RBFOX1: variants seen among roughly 807,000 people sequenced by gnomAD.
The protein encoded by RBFOX1 is RNA binding protein fox-1 homolog 1.
In RBFOX1, 8 loss-of-function variants were observed where a neutral mutation model predicts 57.7. That is an observed-to-expected ratio of 0.14 (90% CI 0.08 to 0.25). The LOEUF is 0.25. RBFOX1 is among the 10% of genes least tolerant of loss of function. The pLI is 1.00. For missense variants in RBFOX1, 611 were observed against 548.5 expected (o/e 1.11, Z -1.14); for synonymous variants, 326 against 222.4 (o/e 1.47, Z -4.15).
intron 5 of RBFOX1, among the ~76,000 whole-genome samples, chr16:7,542,853 G>A (rs2083335784): frequency 9.9e-5 from 1 of 10,140 alleles, no homozygotes; most frequent in Admixed American, 4.4e-4. Context: ...AGAAGGAGAG[G>A]GAGAAAGAGG....
chr16:5,619,915 G>A (rs180848683), intron 3 of RBFOX1, among the ~76,000 whole-genome samples: 202 of 151,590 alleles, frequency 1.3e-3, no homozygotes, highest in Middle Eastern at 6.8e-3. Flanking sequence ...ACTTTCTACA[G>A]CCATTATTTT....
At chr16:6,222,848 G>A (rs1007040272) in intron 1 of RBFOX1, among the ~76,000 whole-genome samples, 4 of 151,578 alleles carry the variant, frequency 2.6e-5, no homozygotes, top group Non-Finnish European at 4.4e-5. Context: ...CTATCCTTCC[G>A]CCCTACCCCC....
intron 4 of RBFOX1, among the ~76,000 whole-genome samples, chr16:7,212,282 T>C (rs2091287921): frequency 1.3e-5 from 2 of 152,166 alleles, no homozygotes; most frequent in South Asian, 4.1e-4. Context: ...TGCCTTTGTG[T>C]ACAGTCCCTT....
chr16:5,521,926 C>T (rs925453436), intron 2 of RBFOX1, among the ~76,000 whole-genome samples: 1 of 152,080 alleles, frequency 6.6e-6, no homozygotes, highest in Non-Finnish European at 1.5e-5. Flanking sequence ...GATGGGGATG[C>T]CCTGGAGGAG....
chr16:7,212,974 C>G (rs1014994562), intron 4 of RBFOX1, among the ~76,000 whole-genome samples: 4 of 152,202 alleles, frequency 2.6e-5, no homozygotes, highest in Admixed American at 6.5e-5. Context: ...CTATGGAACA[C>G]TTGACTTGAT....
chr16:7,652,628 G>T (rs374720466), intron 11 of RBFOX1, among the ~76,000 whole-genome samples: 7 of 152,040 alleles, frequency 4.6e-5, no homozygotes, highest in African/African-American at 1.7e-4. Context: ...GGCTGGTCTC[G>T]AACTCCTGAC....
intron 1 of RBFOX1, among the ~76,000 whole-genome samples, chr16:5,440,920 T>C (rs1485148726): frequency 1.9e-4 from 29 of 152,294 alleles, no homozygotes; most frequent in Non-Finnish European, 1.5e-5. Context: ...ACGCACCTGG[T>C]TAGAACTATG....
intron 3 of RBFOX1, among the ~76,000 whole-genome samples, chr16:6,964,724 C>T (rs879670018): frequency 2.6e-5 from 4 of 152,168 alleles, no homozygotes; most frequent in African/African-American, 7.2e-5. Context: ...GAGGTAAGGT[C>T]CGGAAGCACT....
At chr16:7,169,831 AG>A (rs58658357) in intron 4 of RBFOX1, among the ~76,000 whole-genome samples, 142,128 of 152,168 alleles carry the variant, frequency 0.93, 66,471 homozygotes, top group East Asian at 1. Flanking sequence ...GCACTTTGGC[AG>A]GGCCAAAGCA....
intron 2 of RBFOX1, among the ~76,000 whole-genome samples, chr16:6,404,310 T>A (rs2093193615): frequency 6.6e-6 from 1 of 152,140 alleles, no homozygotes; most frequent in Non-Finnish European, 1.5e-5. Context: ...GCAAATTCCA[T>A]GCCATTTGCT....
intron 3 of RBFOX1, among the ~76,000 whole-genome samples, chr16:6,756,440 G>C (rs952362144): frequency 6.6e-6 from 1 of 152,110 alleles, no homozygotes; most frequent in African/African-American, 2.4e-5. Flanking sequence ...CAAAGGCATA[G>C]GCAACAGAAA....
chr16:7,544,757 A>G (rs1283618290), intron 5 of RBFOX1, among the ~76,000 whole-genome samples: 1 of 152,230 alleles, frequency 6.6e-6, no homozygotes, highest in Non-Finnish European at 1.5e-5. Context: ...GTCCTAGGAA[A>G]GTAATAGCAC....
chr16:6,222,696 A>ATTG, intron 1 of RBFOX1, among the ~76,000 whole-genome samples: 1 of 148,074 alleles, frequency 6.8e-6, no homozygotes, highest in South Asian at 2.1e-4. Context: ...TATTATTATT[A>ATTG]TTATTATTAT....
chr16:6,593,318 GTGT>G (rs1362543949), intron 2 of RBFOX1, among the ~76,000 whole-genome samples: 9 of 152,186 alleles, frequency 5.9e-5, no homozygotes, highest in Admixed American at 5.2e-4. Context: ...TTACCAGGTG[GTGT>G]TATAATCAGT....
chr16:7,533,705 G>A (rs13336381), intron 5 of RBFOX1, among the ~76,000 whole-genome samples: 13,175 of 152,134 alleles, frequency 0.087, 1,554 homozygotes, highest in African/African-American at 0.27. Context: ...TGGTTGTATG[G>A]GCACTCAAAG....
chr16:6,829,406 G>T lies in RBFOX1; in HGVS notation c.-16+174756G>T, dbSNP rs919809399. Among the ~76,000 whole-genome samples the T allele has an allele frequency of 2.7e-5, 4 of 149,972 alleles. No homozygotes were observed. In the Admixed American group the frequency reaches 2.7e-4, roughly 10 times the overall value. ...ACAGACACACATAGATATATAGAAC[G>T]ATTGTAAAAGGCTATTTGTAGATTT... On this transcript the variant is annotated intron_variant, in intron 3 of 15. Transcript: ENST00000550418.
intron 2 of RBFOX1, among the ~76,000 whole-genome samples, chr16:6,392,887 A>C (rs2092667668): frequency 6.6e-6 from 1 of 152,240 alleles, no homozygotes; most frequent in Non-Finnish European, 1.5e-5. Flanking sequence ...TATCAGACGC[A>C]ACACCAGATG....
intron 3 of RBFOX1, among the ~76,000 whole-genome samples, chr16:5,715,846 A>C (rs1227739449): frequency 6.6e-6 from 1 of 152,182 alleles, no homozygotes; most frequent in African/African-American, 2.4e-5. Context: ...AGGGGGTTTA[A>C]TTGCATTTAC....
chr16:7,237,073 G>T (rs1378295344), intron 4 of RBFOX1, among the ~76,000 whole-genome samples: 1 of 152,194 alleles, frequency 6.6e-6, no homozygotes, highest in African/African-American at 2.4e-5. Flanking sequence ...GTAGAGAGCT[G>T]TGTGGGGTTT....
Sources: gnomAD v4.1 joint callset for allele counts (sites outside exome capture counted in the v4.1 genomes callset) on GRCh38, gnomAD v4.1.1 for gene constraint, MANE v1.5 for transcripts, NCBI Gene and HGNC (gene_info 2026-07-23, HGNC 2026-07-21) for gene names.